NAT1: variants seen among roughly 807,000 people sequenced by gnomAD.
NAT1 encodes the protein N-acetyltransferase 1.
For missense variants in NAT1, 400 were observed against 339.2 expected, an observed-to-expected ratio of 1.18 and a Z score of -1.41; for synonymous variants, 144 against 122.6, an observed-to-expected ratio of 1.17 and a Z score of -1.16.
intron 2 of NAT1, among the ~76,000 whole-genome samples, chr8:18,179,296 C>G (rs17126329): frequency 0.27 from 40,904 of 151,964 alleles, 6,126 homozygotes; most frequent in African/African-American, 0.39. Flanking sequence ...ATAATAGCAG[C>G]AGATAAGGTG....
chr8:18,193,484 A>T (rs1455697760), intron 2 of NAT1, among the ~76,000 whole-genome samples: 2 of 139,910 alleles, frequency 1.4e-5, no homozygotes, highest in African/African-American at 2.6e-5. Flanking sequence ...ATATATGTAT[A>T]TAATCTGATA....
intron 2 of NAT1, among the ~76,000 whole-genome samples, chr8:18,194,358 T>C (rs999076854): frequency 1.3e-5 from 2 of 152,170 alleles, no homozygotes; most frequent in Admixed American, 1.3e-4. Context: ...ATATGATCTC[T>C]GCCTATGATG....
At chr8:18,214,614 C>G (rs1007813483) in intron 1 of NAT1, among the ~76,000 whole-genome samples, 4 of 151,308 alleles carry the variant, frequency 2.6e-5, no homozygotes, top group Admixed American at 6.5e-5. Context: ...TTGTATCGAA[C>G]TTTCCCAGAA....
At chr8:18,176,221 A>T (rs751563060) in intron 2 of NAT1, among the ~76,000 whole-genome samples, 2 of 151,950 alleles carry the variant, frequency 1.3e-5, no homozygotes, top group Non-Finnish European at 2.9e-5. Context: ...ATGTGATCCC[A>T]ATTTGTCCAC....
intron 1 of NAT1, among the ~76,000 whole-genome samples, chr8:18,217,890 G>A (rs1026637205): frequency 6.6e-6 from 1 of 152,094 alleles, no homozygotes; most frequent in African/African-American, 2.4e-5. Context: ...GTATAATAGG[G>A]GCAATTCCAT....
intron 2 of NAT1, among the ~76,000 whole-genome samples, chr8:18,200,097 T>C (rs1378420102): frequency 2.0e-5 from 3 of 152,176 alleles, no homozygotes; most frequent in Non-Finnish European, 4.4e-5. Context: ...CTGGTGGGAA[T>C]GTAAGTTAGT....
At chr8:18,191,113 C>T (rs913630393) in intron 2 of NAT1, among the ~76,000 whole-genome samples, 13 of 151,770 alleles carry the variant, frequency 8.6e-5, no homozygotes, top group Admixed American at 7.9e-4. Flanking sequence ...TATACTGATA[C>T]CCTGTATAAT....
chr8:18,176,969 G>T (rs1398641552), intron 2 of NAT1, among the ~76,000 whole-genome samples: 1 of 151,824 alleles, frequency 6.6e-6, no homozygotes, highest in Non-Finnish European at 1.5e-5. Flanking sequence ...TATTTTTTCT[G>T]ATGCTATTGT....
chr8:18,208,027 A>AC (rs370357403), upstream of NAT1, among the ~76,000 whole-genome samples: 6 of 151,436 alleles, frequency 4.0e-5, no homozygotes, highest in African/African-American at 7.2e-5. Flanking sequence ...AGAAAACCAA[A>AC]CACTGCACGT....
chr8:18,192,152 AAAC>A (rs1803016533), intron 2 of NAT1, among the ~76,000 whole-genome samples: 1 of 151,888 alleles, frequency 6.6e-6, no homozygotes, highest in Admixed American at 6.6e-5. Flanking sequence ...AGAAAAAAAC[AAAC>A]AACCCCATCA....
intron 2 of NAT1, among the ~76,000 whole-genome samples, chr8:18,188,553 C>G (rs562880467): frequency 1.3e-5 from 2 of 151,860 alleles, no homozygotes; most frequent in Non-Finnish European, 2.9e-5. Context: ...GGGAAATAGG[C>G]ATGTGGCATT....
In NAT1 at chr8:18,176,211, A is replaced by G. The variant is rs116822684; in HGVS notation, n.92+5472A>G. Among the ~76,000 whole-genome samples the G allele has an allele frequency of 4.4e-3, 662 of 152,174 alleles. 6 individuals carry two copies. Among genetic ancestry groups the G allele is most frequent in the African/African-American group, 0.014 (599 of 41,538 alleles). Reference sequence around the variant, plus strand: ...TGCCGTGCAGAAGTTTCTGAGTTGAATGTGATCCCAATTTGTCCACTTTTG... The same window carrying G: ...TGCCGTGCAGAAGTTTCTGAGTTGAGTGTGATCCCAATTTGTCCACTTTTG... On this transcript the variant is annotated intron_variant and non_coding_transcript_variant, in intron 2 of 4. Coordinates refer to the NAT1 transcript ENST00000517441.
chr8:18,191,743 A>G (rs1249958098), intron 2 of NAT1, among the ~76,000 whole-genome samples: 1 of 152,184 alleles, frequency 6.6e-6, no homozygotes, highest in Non-Finnish European at 1.5e-5. Context: ...TGGGGAAAGG[A>G]TTCCCTATTT....
At chr8:18,196,581 C>G (rs1291008966) in intron 2 of NAT1, among the ~76,000 whole-genome samples, 2 of 152,168 alleles carry the variant, frequency 1.3e-5, no homozygotes, top group Non-Finnish European at 2.9e-5. Flanking sequence ...ATACATCTGA[C>G]TTTGTTACTT....
At chr8:18,173,646 G>C (rs2117196393) in intron 2 of NAT1, among the ~76,000 whole-genome samples, 1 of 152,194 alleles carries the variant, frequency 6.6e-6, no homozygotes, top group South Asian at 2.1e-4. Flanking sequence ...TCCACATCTT[G>C]GTTCTGACAC....
At position 18,195,303 on chromosome 8, in the gene NAT1, A is replaced by G. The variant is rs1339365528; in HGVS notation, n.93-14478A>G. On this transcript the variant is annotated intron_variant and non_coding_transcript_variant, in intron 2 of 4. Transcript: ENST00000517441. ...AGTGAAGGAGGTAGAGGTCAAAAGCATAGATTGCTTCCAGAACTGCAGTCC... is the reference window on the plus strand; with the variant it reads ...AGTGAAGGAGGTAGAGGTCAAAAGCGTAGATTGCTTCCAGAACTGCAGTCC... 3.3e-5 allele frequency among the ~76,000 whole-genome samples: 5 copies of G among 152,338 alleles called. No individual in the cohort carries two copies. The East Asian group carries it at 7.7e-4, about 23-fold the overall frequency.
At chr8:18,174,126 C>T (rs766687301) in intron 2 of NAT1, among the ~76,000 whole-genome samples, 16 of 152,186 alleles carry the variant, frequency 1.1e-4, no homozygotes, top group East Asian at 1.9e-4. Flanking sequence ...TTAGAAGAAA[C>T]GGAACATTTT....
chr8:18,214,487 C>T (rs1320414050), intron 1 of NAT1, among the ~76,000 whole-genome samples: 1 of 152,194 alleles, frequency 6.6e-6, no homozygotes, highest in Non-Finnish European at 1.5e-5. Context: ...CATTCTCTTG[C>T]TGTCCTGATG....
chr8:18,178,632 A>G (rs1023700157), intron 2 of NAT1, among the ~76,000 whole-genome samples: 3 of 152,170 alleles, frequency 2.0e-5, no homozygotes, highest in African/African-American at 7.2e-5. Flanking sequence ...TGTTCTTTCC[A>G]TTTAAGTCAC....
Sources: allele counts gnomAD v4.1 joint callset (sites outside exome capture counted in the v4.1 genomes callset), GRCh38; gene constraint gnomAD v4.1.1; transcripts MANE v1.5; gene names NCBI Gene and HGNC (gene_info 2026-07-23, HGNC 2026-07-21).